The following UBE2E2 variants were observed in gnomAD, a reference collection of about 807,000 sequenced individuals.
UBE2E2 encodes ubiquitin conjugating enzyme E2 E2, also known as ubiquitin-conjugating enzyme E2 E2.
Under a neutral mutation model 24.7 loss-of-function variants are expected in UBE2E2, and 6 were observed. That is an observed-to-expected ratio of 0.24 (90% CI 0.13 to 0.48). The LOEUF (loss-of-function observed/expected upper bound fraction) is 0.48, where lower values mean the gene tolerates loss of function less well. Ranked by LOEUF, UBE2E2 falls within the 20% of genes least tolerant of loss-of-function variation. The pLI, the probability that UBE2E2 is intolerant of heterozygous loss-of-function variation, is 0.99. For missense variants in UBE2E2, 169 were observed against 245.0 expected, an observed-to-expected ratio of 0.69 and a Z score of 2.07; for synonymous variants, 104 against 83.6, an observed-to-expected ratio of 1.24 and a Z score of -1.33.
intron 3 of UBE2E2, among the ~76,000 whole-genome samples, chr3:23,436,396 T>C (rs1308978035): frequency 6.6e-6 from 1 of 152,198 alleles, no homozygotes; most frequent in Non-Finnish European, 1.5e-5. Context: ...GTACTTTGCT[T>C]TCACTGGGCA....
rs71051213 is a variant in UBE2E2 at position 23,315,303 on chromosome 3, ATT to A, written c.227+98006_227+98007del. Among the ~76,000 whole-genome samples the A allele has an allele frequency of 4.6e-3, 607 of 133,090 alleles. 4 individuals carry two copies. Among genetic ancestry groups the A allele is most frequent in the African/African-American group, 9.4e-3 (343 of 36,450 alleles). 87.3% of individuals were successfully genotyped at this position (133,090 alleles called of 152,430 possible). On this transcript the variant is annotated intron_variant, in intron 3 of 5. Transcript: ENST00000396703. ...CATGCCGATTTTCTAGGTGTGCTTC[ATT>A]TTTTTTTTTTTTTTCATTTGTCTCC... is the stretch of plus-strand genomic sequence containing the variant.
At chr3:23,443,601 C>T (rs1698354005) in intron 3 of UBE2E2, among the ~76,000 whole-genome samples, 2 of 152,130 alleles carry the variant, frequency 1.3e-5, no homozygotes, top group Admixed American at 6.5e-5. Context: ...TCCAAAGCAG[C>T]GTCAACGCAG....
chr3:23,285,796 C>A (rs144259975), intron 3 of UBE2E2, among the ~76,000 whole-genome samples: 2 of 152,066 alleles, frequency 1.3e-5, no homozygotes, highest in East Asian at 1.9e-4. Context: ...TGGGTTCAAG[C>A]GATTCTGTTT....
At chr3:23,289,914 A>C (rs1208203867) in intron 3 of UBE2E2, among the ~76,000 whole-genome samples, 1 of 152,258 alleles carries the variant, frequency 6.6e-6, no homozygotes, top group Non-Finnish European at 1.5e-5. Flanking sequence ...ATAATTAAAA[A>C]ATATGACCAT....
intron 1 of UBE2E2, 49 bp from the exon 2 acceptor site, chr3:23,208,643 A>G: frequency 7.1e-7 from 1 of 1,411,290 alleles, no homozygotes; most frequent in Non-Finnish European, 9.5e-7. Flanking sequence ...TTCTGGAGGT[A>G]GCTTACTGTA....
intron 3 of UBE2E2, among the ~76,000 whole-genome samples, chr3:23,488,456 A>G (rs1277955671): frequency 6.6e-6 from 1 of 152,186 alleles, no homozygotes; most frequent in Non-Finnish European, 1.5e-5. Context: ...GTGAGAACAC[A>G]AATTACACAG....
At chr3:23,398,555 A>G (rs564803717) in intron 3 of UBE2E2, among the ~76,000 whole-genome samples, 3 of 152,304 alleles carry the variant, frequency 2.0e-5, no homozygotes, top group East Asian at 3.9e-4. Flanking sequence ...ATACTTGTGG[A>G]GAACTGAGTA....
intron 5 of UBE2E2, among the ~76,000 whole-genome samples, chr3:23,565,108 A>G (rs1435550932): frequency 6.6e-6 from 1 of 152,048 alleles, no homozygotes; most frequent in Non-Finnish European, 1.5e-5. Flanking sequence ...TGTTCCCATT[A>G]TTTTGTGTCA....
At chr3:23,353,254 C>G (rs1488481035) in intron 3 of UBE2E2, among the ~76,000 whole-genome samples, 1 of 152,012 alleles carries the variant, frequency 6.6e-6, no homozygotes, top group Non-Finnish European at 1.5e-5. Flanking sequence ...TAAGAGCTAT[C>G]TATGACAAAC....
chr3:23,480,460 T>C (rs990563458), intron 3 of UBE2E2, among the ~76,000 whole-genome samples: 4 of 152,104 alleles, frequency 2.6e-5, no homozygotes, highest in Admixed American at 2.0e-4. Flanking sequence ...AGCACAGGGC[T>C]CCTGCCCCGC....
intron 3 of UBE2E2, among the ~76,000 whole-genome samples, chr3:23,450,323 A>G (rs986657348): frequency 6.6e-6 from 1 of 152,208 alleles, no homozygotes; most frequent in African/African-American, 2.4e-5. Context: ...CACTAACCTC[A>G]TGTGGCTACT....
chr3:23,302,997 T>C lies in UBE2E2; in HGVS notation c.227+85685T>C, dbSNP rs1428925103. Reference sequence around the variant, plus strand: ...TGGAACCTGGTGGCACAGCAGGAGGTGAGCCAGTGAAGCTTCATGTGTATT... The same window carrying C: ...TGGAACCTGGTGGCACAGCAGGAGGCGAGCCAGTGAAGCTTCATGTGTATT... On this transcript the variant is annotated intron_variant, in intron 3 of 5. Transcript: ENST00000396703. Among the ~76,000 whole-genome samples, 18 of 152,112 alleles carry C rather than the reference T, an allele frequency of 1.2e-4. 1 individual carries two copies. Among genetic ancestry groups the C allele is most frequent in the Non-Finnish European group, 2.9e-5 (2 of 68,028 alleles).
At chr3:23,341,600 T>C (rs1386799239) in intron 3 of UBE2E2, among the ~76,000 whole-genome samples, 1 of 152,156 alleles carries the variant, frequency 6.6e-6, no homozygotes, top group Non-Finnish European at 1.5e-5. Context: ...TGAACAGAAA[T>C]TAAAGGTAGC....
intron 3 of UBE2E2, among the ~76,000 whole-genome samples, chr3:23,463,687 G>A (rs1345888373): frequency 6.6e-6 from 1 of 152,068 alleles, no homozygotes; most frequent in African/African-American, 2.4e-5. Flanking sequence ...TTTAAAAATA[G>A]TACATAAAGT....
intron 4 of UBE2E2, among the ~76,000 whole-genome samples, chr3:23,522,135 T>C (rs910749074): frequency 1.1e-5 from 1 of 91,952 alleles, no homozygotes; most frequent in African/African-American, 8.2e-5. Context: ...CTAATTTTTT[T>C]TTTTTTTTTT....
At chr3:23,346,508 G>A (rs188795177) in intron 3 of UBE2E2, among the ~76,000 whole-genome samples, 4 of 152,288 alleles carry the variant, frequency 2.6e-5, no homozygotes, top group East Asian at 1.9e-4. Flanking sequence ...TGTTTTGACC[G>A]ATATTGGTGA....
chr3:23,360,481 A>C (rs923968460), intron 3 of UBE2E2, among the ~76,000 whole-genome samples: 2 of 152,192 alleles, frequency 1.3e-5, no homozygotes, highest in African/African-American at 2.4e-5. Context: ...ATAAGAAAAT[A>C]ATTAGAATAT....
chr3:23,411,785 C>T (rs1324593526), intron 3 of UBE2E2, among the ~76,000 whole-genome samples: 1 of 152,080 alleles, frequency 6.6e-6, no homozygotes, highest in African/African-American at 2.4e-5. Context: ...AAATTAAGTA[C>T]TTAGTGTAGT....
At chr3:23,480,467 C>T (rs957510789) in intron 3 of UBE2E2, among the ~76,000 whole-genome samples, 1 of 152,160 alleles carries the variant, frequency 6.6e-6, no homozygotes, top group Non-Finnish European at 1.5e-5. Context: ...GGCTCCTGCC[C>T]CGCCAGCTTA....
Sources: allele counts gnomAD v4.1 joint callset (sites outside exome capture counted in the v4.1 genomes callset), GRCh38; gene constraint gnomAD v4.1.1; transcripts MANE v1.5; gene names NCBI Gene and HGNC (gene_info 2026-07-23, HGNC 2026-07-21).